EVC: variants seen among roughly 807,000 people sequenced by gnomAD.
The protein encoded by EVC is EvC ciliary complex subunit 1.
EVC carries 116 observed loss-of-function variants against 118.9 expected under a neutral mutation model. The ratio of observed to expected loss-of-function variants is 0.98; its 90% CI spans 0.84 to 1.14. The LOEUF is 1.14. Ranked by LOEUF, EVC falls within the 50% of genes most tolerant of loss-of-function variation. The pLI, the probability that EVC is intolerant of heterozygous loss-of-function variation, is 0.00. For missense variants in EVC, 1,401 were observed against 1,246.4 expected, an observed-to-expected ratio of 1.12 and a Z score of -1.87; for synonymous variants, 619 against 534.7, an observed-to-expected ratio of 1.16 and a Z score of -2.18.
At chr4:5,800,255 G>A (rs1714726654) in intron 15 of EVC, among the ~76,000 whole-genome samples, 1 of 152,292 alleles carries the variant, frequency 6.6e-6, no homozygotes, top group East Asian at 1.9e-4. Flanking sequence ...TGAGGCAGCA[G>A]ACTCACTTGA....
intron 12 of EVC, among the ~76,000 whole-genome samples, chr4:5,787,248 A>G (rs1711838325): frequency 6.6e-6 from 1 of 152,240 alleles, no homozygotes; most frequent in African/African-American, 2.4e-5. Flanking sequence ...ATGGCCCCCC[A>G]GAGAGGCCCA....
At chr4:5,728,386 G>T (rs1323796436) in intron 2 of EVC, among the ~76,000 whole-genome samples, 2 of 151,532 alleles carry the variant, frequency 1.3e-5, no homozygotes, top group South Asian at 2.1e-4. Flanking sequence ...TCTGTTGTTG[G>T]TGTATAAGAA....
chr4:5,821,430 C>T, the EVC span: 1 of 339,712 alleles, frequency 2.9e-6, no homozygotes, highest in Non-Finnish European at 5.5e-6. The surrounding 1 kb of genome is among the most constrained non-coding windows in gnomAD (Gnocchi z 4.4). Flanking sequence ...AAGGAACCAC[C>T]ACTCAGAGAA....
rs1733090409 is a variant in EVC, at chr4:5,767,427, C to T, written c.1563+11065C>T. On this transcript the variant is annotated intron_variant, in intron 11 of 20. Coordinates refer to ENST00000264956, the MANE Select transcript of EVC (RefSeq NM_153717.3). ...CCTCCTTGAGCTGTGGTGGGCTCCA[C>T]CCAGTTGCAGCTTCCAGGCTGCTTT... Among the ~76,000 whole-genome samples the T allele has an allele frequency of 3.3e-5, 5 of 150,138 alleles. No individual in the cohort carries two copies. The South Asian group carries it at 8.7e-4, about 26-fold the overall frequency.
intron 1 of EVC, among the ~76,000 whole-genome samples, chr4:5,711,997 A>AT (rs375020194): frequency 6.6e-5 from 10 of 152,020 alleles, no homozygotes; most frequent in African/African-American, 2.4e-4. Context: ...ATTGGCATTC[A>AT]TTTTTTCATT....
rs907533918 is a variant in EVC, at chr4:5,731,056, G to C, written c.385-369G>C. Among the ~76,000 whole-genome samples, 20 of 152,202 alleles carry C rather than the reference G, an allele frequency of 1.3e-4. No individual in the cohort carries two copies. Among genetic ancestry groups the C allele is most frequent in the African/African-American group, 4.8e-4 (20 of 41,534 alleles). Reference sequence around the variant, plus strand: ...ATTCGTGGAGGGAGCAGGCCAGGGGGTCAGCAGCAAGGAGAGAACTGGGTC... The same window carrying C: ...ATTCGTGGAGGGAGCAGGCCAGGGGCTCAGCAGCAAGGAGAGAACTGGGTC... On this transcript the variant is annotated intron_variant, in intron 3 of 20. Coordinates refer to ENST00000264956, the MANE Select transcript of EVC (RefSeq NM_153717.3). The surrounding 1 kb of genome is among the most constrained non-coding windows in gnomAD (Gnocchi z 5.6).
At chr4:5,823,142 T>C in the EVC span, among the ~76,000 whole-genome samples, 18 of 152,310 alleles carry the variant, frequency 1.2e-4, no homozygotes, top group African/African-American at 4.1e-4. Context: ...TTTGGGCAAT[T>C]TGGAGTAAGA....
At chr4:5,770,129 C>G (rs1235790918) in intron 11 of EVC, among the ~76,000 whole-genome samples, 1 of 152,086 alleles carries the variant, frequency 6.6e-6, no homozygotes, top group African/African-American at 2.4e-5. Flanking sequence ...AGCACTTACT[C>G]CCCCTGGCCA....
At chr4:5,712,308 A>T (rs1401856821) in intron 1 of EVC, among the ~76,000 whole-genome samples, 1 of 152,216 alleles carries the variant, frequency 6.6e-6, no homozygotes, top group African/African-American at 2.4e-5. Flanking sequence ...ACTGAGGCAC[A>T]GAGAGGTTAA....
At chr4:5,747,279 G>A (rs1468681616) in intron 7 of EVC, among the ~76,000 whole-genome samples, 2 of 151,978 alleles carry the variant, frequency 1.3e-5, no homozygotes, top group Non-Finnish European at 2.9e-5. Flanking sequence ...ACTAACCCCT[G>A]CCCCCTCCCA....
chr4:5,809,658 G>A (rs1359273216), intron 19 of EVC, 47 bp downstream of exon 19: 8 of 1,539,984 alleles, frequency 5.2e-6, no homozygotes, highest in Non-Finnish European at 7.2e-6. Flanking sequence ...TCTGGGCTGA[G>A]AGATACGGAT....
intron 3 of EVC, among the ~76,000 whole-genome samples, chr4:5,730,214 A>G (rs1211883780): frequency 6.6e-6 from 1 of 152,190 alleles, no homozygotes; most frequent in African/African-American, 2.4e-5. Flanking sequence ...ACAAGATAAC[A>G]TACATGAGGG....
chr4:5,744,863 G>A (rs1485076503), intron 6 of EVC, among the ~76,000 whole-genome samples: 3 of 152,102 alleles, frequency 2.0e-5, no homozygotes, highest in African/African-American at 7.2e-5. Flanking sequence ...AACCAGAAGA[G>A]GAGCAAAGAA....
intron 16 of EVC, among the ~76,000 whole-genome samples, 197 bp downstream of exon 16, chr4:5,802,291 C>T (rs1380343759): frequency 1.3e-5 from 2 of 152,214 alleles, no homozygotes; most frequent in African/African-American, 2.4e-5. Context: ...TGCATAAGCA[C>T]ACATCCAGTG....
chr4:5,715,174 A>G (rs1178496165), intron 1 of EVC, among the ~76,000 whole-genome samples: 1 of 152,004 alleles, frequency 6.6e-6, no homozygotes, highest in Non-Finnish European at 1.5e-5. Flanking sequence ...TCCCCCACAT[A>G]TGTGCGTTTG....
At chr4:5,741,550 G>C (rs981109163) in intron 5 of EVC, among the ~76,000 whole-genome samples, 166 bp from the exon 6 acceptor site, 1 of 152,092 alleles carries the variant, frequency 6.6e-6, no homozygotes, top group Non-Finnish European at 1.5e-5. Context: ...ATTTATAATC[G>C]GAGTTCCTTT....
At chr4:5,784,910 G>A (rs534148144) in intron 12 of EVC, among the ~76,000 whole-genome samples, 1 of 152,170 alleles carries the variant, frequency 6.6e-6, no homozygotes, top group Admixed American at 6.5e-5. Context: ...GCCCAGCCCA[G>A]ATTGATTTTA....
chr4:5,796,325 C>G (rs1054967369), intron 13 of EVC, among the ~76,000 whole-genome samples: 5 of 151,970 alleles, frequency 3.3e-5, no homozygotes, highest in Admixed American at 3.3e-4. Context: ...TAATTCTCGT[C>G]TGGGTATTTT....
chr4:5,825,807 G>T, the EVC span: 1 of 730,350 alleles, frequency 1.4e-6, no homozygotes, highest in Non-Finnish European at 2.2e-6. This position sits in a 1 kb window ranked among gnomAD's most constrained non-coding sequence, Gnocchi z 4.4. Flanking sequence ...ACACACGACA[G>T]GTGCACTTCA....
Sources: gnomAD v4.1 joint callset for allele counts (sites outside exome capture counted in the v4.1 genomes callset) on GRCh38, gnomAD v4.1.1 for gene constraint, Gnocchi (gnomAD v3.1) non-coding constraint, MANE v1.5 for transcripts, NCBI Gene and HGNC (gene_info 2026-07-23, HGNC 2026-07-21) for gene names.